The following FBXL17 variants were observed in gnomAD, a reference collection of about 807,000 sequenced individuals.
The protein encoded by FBXL17 is F-box/LRR-repeat protein 17.
Under a neutral mutation model 66.2 loss-of-function variants are expected in FBXL17, and 22 were observed. That is an observed-to-expected ratio of 0.33 (90% CI 0.24 to 0.47). FBXL17 has a LOEUF of 0.47. Ranked by LOEUF, FBXL17 falls within the 20% of genes least tolerant of loss-of-function variation. The probability of loss-of-function intolerance (pLI) is 1.00; values close to 1 mark genes in which losing one functional copy is unlikely to be tolerated. For missense variants in FBXL17, 878 were observed against 948.2 expected, an observed-to-expected ratio of 0.93 and a Z score of 0.97; for synonymous variants, 474 against 400.5, an observed-to-expected ratio of 1.18 and a Z score of -2.19.
intron 6 of FBXL17, among the ~76,000 whole-genome samples, chr5:108,139,268 G>C (rs758479555): frequency 5.9e-5 from 9 of 152,194 alleles, no homozygotes; most frequent in Admixed American, 3.3e-4. Context: ...TAGAAAACAA[G>C]TTGTGTCCAT....
intron 4 of FBXL17, among the ~76,000 whole-genome samples, chr5:108,300,617 T>C (rs1758545447): frequency 6.6e-6 from 1 of 151,848 alleles, no homozygotes; most frequent in Admixed American, 6.6e-5. Flanking sequence ...TAGTTTTATT[T>C]CACTATTGTA....
At position 107,990,551 on chromosome 5, in the gene FBXL17, C is replaced by A. The variant is rs577728760; in HGVS notation, c.1822+30374G>T. ...TTTATCTATACCTTAGTTTTCTTATCTGTAAAATGGAAATAATAACAATAA... is the reference window on the plus strand; with the variant it reads ...TTTATCTATACCTTAGTTTTCTTATATGTAAAATGGAAATAATAACAATAA... On this transcript the variant is annotated intron_variant, in intron 7 of 8. Coordinates refer to ENST00000542267, the MANE Select transcript of FBXL17 (RefSeq NM_001163315.3). Among the ~76,000 whole-genome samples the A allele has an allele frequency of 3.3e-5, 5 of 152,100 alleles. No individual in the cohort carries two copies. The South Asian group carries it at 1.0e-3, about 32-fold the overall frequency.
chr5:108,344,658 C>G (rs1252045944), intron 4 of FBXL17, among the ~76,000 whole-genome samples: 1 of 152,106 alleles, frequency 6.6e-6, no homozygotes, highest in African/African-American at 2.4e-5. Flanking sequence ...CCGACCTCAT[C>G]GTTTTACAAT....
intron 6 of FBXL17, among the ~76,000 whole-genome samples, chr5:108,147,440 T>G (rs1751603848): frequency 6.6e-6 from 1 of 152,096 alleles, no homozygotes; most frequent in Admixed American, 6.6e-5. Flanking sequence ...CCCAGCACTT[T>G]GGGAGGCAGA....
chr5:107,883,712 C>T (rs1443526740), intron 7 of FBXL17, among the ~76,000 whole-genome samples: 1 of 152,140 alleles, frequency 6.6e-6, no homozygotes, highest in African/African-American at 2.4e-5. Context: ...TGTCAATGCC[C>T]AGCACCTAGC....
intron 4 of FBXL17, among the ~76,000 whole-genome samples, chr5:108,228,046 G>A (rs972675144): frequency 6.6e-6 from 1 of 152,148 alleles, no homozygotes; most frequent in African/African-American, 2.4e-5. Context: ...GGTCCAAGAG[G>A]CCAGAGCATT....
chr5:108,136,166 A>G (rs1312634721), intron 6 of FBXL17, among the ~76,000 whole-genome samples: 1 of 152,110 alleles, frequency 6.6e-6, no homozygotes, highest in Non-Finnish European at 1.5e-5. Flanking sequence ...GATAGGTCAA[A>G]TCTTTTAGAT....
chr5:108,115,918 C>CA (rs1750230689), intron 6 of FBXL17, among the ~76,000 whole-genome samples: 1 of 152,122 alleles, frequency 6.6e-6, no homozygotes. Context: ...TGAGCTTGTC[C>CA]AAAATCACAC....
intron 6 of FBXL17, among the ~76,000 whole-genome samples, chr5:108,092,421 C>T (rs1036871102): frequency 1.2e-4 from 18 of 152,042 alleles, no homozygotes; most frequent in African/African-American, 1.7e-4. Flanking sequence ...CTCAGCCTCC[C>T]GAGTAGGAAC....
intron 4 of FBXL17, among the ~76,000 whole-genome samples, chr5:108,259,427 T>A (rs1271288934): frequency 6.6e-6 from 1 of 152,180 alleles, no homozygotes; most frequent in African/African-American, 2.4e-5. Flanking sequence ...TCAATGTAGC[T>A]GTAGTGAGGC....
intron 4 of FBXL17, among the ~76,000 whole-genome samples, chr5:108,248,856 C>G (rs1756225975): frequency 6.6e-6 from 1 of 151,950 alleles, no homozygotes; most frequent in African/African-American, 2.4e-5. Context: ...AAAAAAATAT[C>G]CTTCAGGAAT....
chr5:107,933,456 T>C lies in FBXL17; in HGVS notation c.1823-52277A>G, dbSNP rs368982683. On this transcript the variant is annotated intron_variant, in intron 7 of 8. Coordinates refer to ENST00000542267, the MANE Select transcript of FBXL17 (RefSeq NM_001163315.3). ...GTCACTTACATTGGACTTAAGACAA[T>C]ATGAGTTAATAGGCTTCTCAAGTAT... is the stretch of plus-strand genomic sequence containing the variant. Among the ~76,000 whole-genome samples the C allele has an allele frequency of 3.3e-5, 5 of 152,310 alleles. No individual in the cohort carries two copies. In the East Asian group the frequency reaches 7.7e-4, roughly 24 times the overall value.
intron 6 of FBXL17, among the ~76,000 whole-genome samples, chr5:108,121,197 G>A (rs6884026): frequency 0.12 from 18,486 of 151,696 alleles, 1,343 homozygotes; most frequent in East Asian, 0.16. Context: ...GCATGGTGGC[G>A]CATGCCCATA....
At chr5:108,200,656 T>C (rs1440357216) in intron 5 of FBXL17, among the ~76,000 whole-genome samples, 1 of 149,532 alleles carries the variant, frequency 6.7e-6, no homozygotes, top group Non-Finnish European at 1.5e-5. Context: ...CTCTGGTGAA[T>C]GTAACAGAGA....
At chr5:107,926,558 G>A (rs1475086350) in intron 7 of FBXL17, among the ~76,000 whole-genome samples, 1 of 151,240 alleles carries the variant, frequency 6.6e-6, no homozygotes, top group Non-Finnish European at 1.5e-5. Flanking sequence ...TTAATTTGGT[G>A]ATTAATGTGT....
rs1020185340 is a variant in FBXL17, at chr5:107,907,633, A to G, written c.1823-26454T>C. Among the ~76,000 whole-genome samples, 3 of 152,206 alleles carry G rather than the reference A, an allele frequency of 2.0e-5. No individual in the cohort carries two copies. In the South Asian group the frequency reaches 6.2e-4, roughly 32 times the overall value. On this transcript the variant is annotated intron_variant, in intron 7 of 8. Transcript: ENST00000542267. ...AACAACCCCATCAAAAAGTGGGCAA[A>G]GGACATGAACAGACACTTCTCAAAA...
At chr5:108,200,682 GC>G (rs1367142513) in intron 5 of FBXL17, among the ~76,000 whole-genome samples, 2 of 141,560 alleles carry the variant, frequency 1.4e-5, no homozygotes, top group African/African-American at 5.2e-5. Flanking sequence ...CCAGTGGGAA[GC>G]TTTTTCTTGA....
chr5:108,277,156 C>G (rs1757516926), intron 4 of FBXL17, among the ~76,000 whole-genome samples: 1 of 152,070 alleles, frequency 6.6e-6, no homozygotes, highest in Admixed American at 6.6e-5. Flanking sequence ...ACTATGTCTT[C>G]TCTAAATCTG....
intron 4 of FBXL17, among the ~76,000 whole-genome samples, chr5:108,266,801 G>A (rs529580066): frequency 2.1e-4 from 32 of 152,142 alleles, no homozygotes; most frequent in Non-Finnish European, 4.1e-4. Context: ...AAAGTGCTTA[G>A]ATAAGATGGA....
Sources: allele counts gnomAD v4.1 joint callset (sites outside exome capture counted in the v4.1 genomes callset), GRCh38; gene constraint gnomAD v4.1.1; transcripts MANE v1.5; gene names NCBI Gene and HGNC (gene_info 2026-07-23, HGNC 2026-07-21).